The following COQ8A variants were observed in gnomAD, a reference collection of about 807,000 sequenced individuals.
The protein encoded by COQ8A is coenzyme Q8A, also known as atypical kinase COQ8A, mitochondrial.
In COQ8A, 51 loss-of-function variants were observed where a neutral mutation model predicts 65.0. The ratio of observed to expected loss-of-function variants is 0.78; its 90% CI spans 0.63 to 0.99. The LOEUF is 0.99. Ranked by LOEUF, COQ8A falls within the 50% of genes least tolerant of loss-of-function variation. The pLI is 0.00. For synonymous variants in COQ8A, 371 were observed against 353.2 expected (o/e 1.05, Z -0.57); for missense variants, 940 against 875.0 (o/e 1.07, Z -0.94).
intron 5 of COQ8A, 97 bp from the exon 6 acceptor site, chr1:226,981,930 G>A (rs1205716738): frequency 1.9e-6 from 3 of 1,564,546 alleles, no homozygotes; most frequent in Non-Finnish European, 2.6e-6. Context: ...CTGGGAGGAA[G>A]GACATTGTCT....
In COQ8A at chr1:226,978,659, C is replaced by T. The variant is rs535361719; in HGVS notation, c.730+1136C>T. On this transcript the variant is annotated intron_variant, in intron 5 of 14. Transcript: ENST00000366777. ...CCCGCCCACCTCCTTACCCTCCACA[C>T]ACCTGCCCACCTCCTTACACACCCT... Among the ~76,000 whole-genome samples, 4 of 94,076 alleles carry T rather than the reference C, an allele frequency of 4.3e-5. 2 individuals carry two copies. Among genetic ancestry groups the T allele is most frequent in the Non-Finnish European group, 1.1e-4 (4 of 34,852 alleles). The allele number at this position is 94,076 out of a possible 152,430, so 61.7% of individuals were successfully genotyped here.
chr1:226,941,731 C>T (rs1047527756), intron 1 of COQ8A, among the ~76,000 whole-genome samples: 6 of 150,210 alleles, frequency 4.0e-5, no homozygotes, highest in South Asian at 2.1e-4. Flanking sequence ...GCCAAGATGG[C>T]GCCAGTGCAC....
chr1:226,987,086 G>C lies in COQ8A; in HGVS notation c.*349G>C. ...TACTCCCTTCCAATCTCTGTTCAGT[G>C]CAAAACCCAGAAACATGAACAGATA... is the stretch of plus-strand genomic sequence containing the variant. On this transcript the variant is annotated 3_prime_UTR_variant, in exon 15 of 15. Coordinates refer to ENST00000366777, the MANE Select transcript of COQ8A (RefSeq NM_020247.5). 1 of 358,442 alleles carries C rather than the reference G, an allele frequency of 2.8e-6. No individual in the cohort carries two copies. Among genetic ancestry groups the C allele is most frequent in the South Asian group, 2.6e-5 (1 of 37,978 alleles). The allele number at this position is 358,442 out of a possible 1,614,324, so 22.2% of individuals were successfully genotyped here.
intron 2 of COQ8A, among the ~76,000 whole-genome samples, chr1:226,962,663 G>A (rs1275840806): frequency 6.6e-6 from 1 of 152,170 alleles, no homozygotes; most frequent in Non-Finnish European, 1.5e-5. Context: ...GCAGCCCCCA[G>A]GCATCTCAGT....
chr1:226,942,180 TAA>T (rs1039710114), intron 1 of COQ8A, among the ~76,000 whole-genome samples: 1 of 152,036 alleles, frequency 6.6e-6, no homozygotes, highest in African/African-American at 2.4e-5. Context: ...GGTAAAACTC[TAA>T]AAAGAGTTGT....
chr1:226,946,504 T>TGGCCA lies in COQ8A; in HGVS notation c.-10+6112_-10+6116dup, dbSNP rs1657055459. Among the ~76,000 whole-genome samples the TGGCCA allele has an allele frequency of 2.0e-5, 3 of 152,088 alleles. No homozygotes were observed. Among genetic ancestry groups the TGGCCA allele is most frequent in the Admixed American group, 6.5e-5 (1 of 15,270 alleles). On this transcript the variant is annotated intron_variant, in intron 1 of 14. Transcript: ENST00000366777. This position sits in a 1 kb window ranked among gnomAD's most constrained non-coding sequence, Gnocchi z 5.3. The stretch of plus-strand genomic sequence containing the variant: ...GGGGCTCCACAGTGAAGGGCCTTGC[T>TGGCCA]GGCCAGGCCAGACCAGGGAGAGTGG...
intron 4 of COQ8A, among the ~76,000 whole-genome samples, chr1:226,974,255 CCT>C (rs1169094695): frequency 6.6e-6 from 1 of 152,142 alleles, no homozygotes; most frequent in South Asian, 2.1e-4. Context: ...CCCTCCCTCC[CCT>C]GTCATTCCTT....
Position 226,983,782 on chromosome 1 carries a change from T to C in COQ8A, c.1184T>C (p.Ile395Thr). 1 of 1,613,106 alleles carries C rather than the reference T, an allele frequency of 6.2e-7. No homozygotes were observed. Among genetic ancestry groups the C allele is most frequent in the South Asian group, 1.1e-5 (1 of 91,076 alleles). ...CCAGGCCTGTTCCCCGAGCACCTGA[T>C]CGACGTGCTGAGGCGGGAGCTGGCC... The part of the protein sequence containing the change: ...LPEGLFPEHL[I>T]DVLRRELALE... The change falls in exon 10 of 15, where the codon ATC (isoleucine) becomes ACC (threonine). Residue 395 changes from isoleucine (I) to threonine (T), a missense_variant. Coordinates refer to ENST00000366777, the MANE Select transcript of COQ8A (RefSeq NM_020247.5).
intron 14 of COQ8A, among the ~76,000 whole-genome samples, chr1:226,985,939 A>G (rs1007902391): frequency 9.9e-5 from 15 of 151,912 alleles, no homozygotes; most frequent in African/African-American, 3.1e-4. Context: ...CCTTATGGCC[A>G]CTCGCACTGA....
At chr1:226,954,094 T>A (rs1657544224) in intron 1 of COQ8A, among the ~76,000 whole-genome samples, 1 of 152,262 alleles carries the variant, frequency 6.6e-6, no homozygotes. Context: ...TGCCAGCCCC[T>A]CAGGGTATCC....
At chr1:226,955,993 G>C (rs71648409) in intron 1 of COQ8A, among the ~76,000 whole-genome samples, 1 of 91,944 alleles carries the variant, frequency 1.1e-5, no homozygotes, top group Non-Finnish European at 2.0e-5. Context: ...GCCACTCCCT[G>C]GTTCACACTC....
At chr1:226,985,479 C>T in intron 14 of COQ8A, 139 bp downstream of exon 14, 1 of 928,022 alleles carries the variant, frequency 1.1e-6, no homozygotes, top group Non-Finnish European at 1.7e-6. Context: ...GGTCTGAAAG[C>T]TGGGGCCCAC....
chr1:226,960,861 G>T lies in COQ8A; in HGVS notation c.-9-516G>T, dbSNP rs78574089. Reference sequence around the variant, plus strand: ...GGCCTCACTGGGCAGAGCAATGGTGGCTGGGCAGGGACAGGCAGCCTCAGC... The same window carrying T: ...GGCCTCACTGGGCAGAGCAATGGTGTCTGGGCAGGGACAGGCAGCCTCAGC... On this transcript the variant is annotated intron_variant, in intron 1 of 14. Transcript: ENST00000366777. Among the ~76,000 whole-genome samples the T allele has an allele frequency of 2.5e-3, 379 of 152,238 alleles. 9 individuals carry two copies. The East Asian group carries it at 0.047, about 19-fold the overall frequency.
intron 1 of COQ8A, 62 bp from the exon 2 acceptor site, chr1:226,961,315 G>A: frequency 1.3e-6 from 2 of 1,563,430 alleles, no homozygotes; most frequent in South Asian, 1.1e-5. Flanking sequence ...TGTGGAGTTG[G>A]TAGTGTGGGT....
intron 5 of COQ8A, among the ~76,000 whole-genome samples, chr1:226,980,654 C>CAT (rs1342892982): frequency 6.6e-6 from 1 of 152,256 alleles, no homozygotes; most frequent in Non-Finnish European, 1.5e-5. Flanking sequence ...GCCCATGGGT[C>CAT]ATAGCTCAGC....
Position 226,977,457 on chromosome 1 carries a change from G to C in COQ8A, c.664G>C (p.Val222Leu). 1 of 1,564,188 alleles carries C rather than the reference G, an allele frequency of 6.4e-7. No homozygotes were observed. The highest frequency in any genetic ancestry group is 8.7e-7 in the Non-Finnish European group (1 of 1,154,594). Residue 222 changes from valine (V) to leucine (L), a missense_variant, in exon 5 of 15, where the codon GTG becomes CTG. Transcript: ENST00000366777. ...CCCCCTCCTCCTTGCAGGTCTGGCC[G>C]TGGGCCTGGGCTTCGGGGCACTGGC... ...GRLANFGGLA[V>L]GLGFGALAEV...
At chr1:226,970,890 T>C (rs960090860) in intron 4 of COQ8A, among the ~76,000 whole-genome samples, 14 of 152,170 alleles carry the variant, frequency 9.2e-5, no homozygotes, top group African/African-American at 2.4e-4. Flanking sequence ...CTCTCCTCTC[T>C]CTTACAGTGT....
chr1:226,960,458 A>ACTTGGTGGTG (rs1558187534), intron 1 of COQ8A, among the ~76,000 whole-genome samples: 4 of 11,664 alleles, frequency 3.4e-4, no homozygotes, highest in Non-Finnish European at 3.9e-4. Flanking sequence ...TGGTGGTGGC[A>ACTTGGTGGTG]GTACTTGGTG....
rs1362070649 is a variant in COQ8A at position 226,946,861 on chromosome 1, G to A, written c.-10+6462G>A. On this transcript the variant is annotated intron_variant, in intron 1 of 14. Coordinates refer to ENST00000366777, the MANE Select transcript of COQ8A (RefSeq NM_020247.5). This position sits in a 1 kb window ranked among gnomAD's most constrained non-coding sequence, Gnocchi z 5.3. ...TGGCAAGACTGAGGGCCGTGTGCCC[G>A]ATGGCTCCTCCTAGCTCTTGCACAC... Among the ~76,000 whole-genome samples, 1 of 152,228 alleles carries A rather than the reference G, an allele frequency of 6.6e-6. No homozygotes were observed. Among genetic ancestry groups the A allele is most frequent in the Non-Finnish European group, 1.5e-5 (1 of 68,036 alleles).
Sources: allele counts gnomAD v4.1 joint callset (sites outside exome capture counted in the v4.1 genomes callset), GRCh38; gene constraint gnomAD v4.1.1; non-coding constraint Gnocchi (gnomAD v3.1); transcripts MANE v1.5; gene names NCBI Gene and HGNC (gene_info 2026-07-23, HGNC 2026-07-21).